The following TMTC1 variants were observed in gnomAD, a reference collection of about 807,000 sequenced individuals.
TMTC1 encodes transmembrane O-mannosyltransferase targeting cadherins 1.
A neutral mutation model predicts 104.8 loss-of-function variants in TMTC1; 73 were observed. The ratio of observed to expected loss-of-function variants is 0.70; its 90% CI spans 0.58 to 0.85. The LOEUF (loss-of-function observed/expected upper bound fraction) is 0.85. Ranked by LOEUF, TMTC1 falls within the 40% of genes least tolerant of loss-of-function variation. The pLI, the probability that TMTC1 is intolerant of heterozygous loss-of-function variation, is 0.00. For synonymous variants in TMTC1, 434 were observed against 428.7 expected (o/e 1.01, Z -0.15); for missense variants, 1,035 against 1,096.1 (o/e 0.94, Z 0.79).
intron 5 of TMTC1, among the ~76,000 whole-genome samples, chr12:29,720,639 GA>G (rs35931216): frequency 0.77 from 117,184 of 151,804 alleles, 45,324 homozygotes; most frequent in Middle Eastern, 0.82. Context: ...CAAAAAGATA[GA>G]AATATGAAAC....
chr12:29,583,746 C>T (rs752993327), intron 7 of TMTC1, among the ~76,000 whole-genome samples, 172 bp from the exon 8 acceptor site: 6 of 152,222 alleles, frequency 3.9e-5, no homozygotes, highest in Non-Finnish European at 7.3e-5. Context: ...AAGTGCTGCA[C>T]TAGCAGGTTT....
chr12:29,719,681 G>C (rs953504565), intron 5 of TMTC1, among the ~76,000 whole-genome samples: 5 of 152,158 alleles, frequency 3.3e-5, no homozygotes, highest in African/African-American at 1.2e-4. Flanking sequence ...TGCAATGCCT[G>C]CAAGGCCACG....
chr12:29,540,532 A>G (rs1272845959), intron 10 of TMTC1, among the ~76,000 whole-genome samples: 1 of 152,082 alleles, frequency 6.6e-6, no homozygotes, highest in African/African-American at 2.4e-5. Context: ...TTCTGTGTTC[A>G]CTCGCTGAAA....
intron 9 of TMTC1, among the ~76,000 whole-genome samples, chr12:29,569,819 A>G (rs1690352276): frequency 6.6e-6 from 1 of 152,216 alleles, no homozygotes; most frequent in Non-Finnish European, 1.5e-5. Flanking sequence ...TACTATATGT[A>G]ATATATTTAT....
At chr12:29,532,717 G>A (rs892913578) in intron 11 of TMTC1, 1 of 152,110 alleles carries the variant, frequency 6.6e-6, no homozygotes, top group East Asian at 1.9e-4. Context: ...AATAAAGGAT[G>A]TATACGTTAT....
intron 5 of TMTC1, among the ~76,000 whole-genome samples, chr12:29,714,461 TG>T (rs1249861094): frequency 2.6e-5 from 4 of 152,220 alleles, no homozygotes; most frequent in African/African-American, 9.6e-5. Context: ...AAACCACAAA[TG>T]TGAGCCAAAA....
chr12:29,564,162 A>T (rs1945449040), intron 9 of TMTC1, among the ~76,000 whole-genome samples: 1 of 152,204 alleles, frequency 6.6e-6, no homozygotes, highest in South Asian at 2.1e-4. Flanking sequence ...ATAAAGGACA[A>T]GGAGCAAGTT....
Position 29,506,880 on chromosome 12 carries a change from C to A in TMTC1, c.2615G>T (p.Arg872Leu), listed in dbSNP as rs770031173. ...NLAKLDRLEKRLQEVREKDQT is the reference protein window; with the variant it reads ...NLAKLDRLEKLLQEVREKDQT The stretch of plus-strand genomic sequence containing the variant: ...ATCCTTTTCTCGAACTTCTTGTAAT[C>A]GTTTTTCTAGGCGATCCAATTTGGC... The change falls in exon 18 of 18, where the codon CGA becomes CTA. Residue 872 changes from arginine to leucine, a missense_variant. Transcript: ENST00000539277. 6.2e-7 allele frequency: 1 copy of A among 1,614,104 alleles called. No individual in the cohort carries two copies. Among genetic ancestry groups the A allele is most frequent in the Non-Finnish European group, 8.5e-7 (1 of 1,179,974 alleles).
In TMTC1 at chr12:29,506,993, GT is replaced by G; in HGVS notation, c.2509-8del. The G allele has an allele frequency of 6.2e-7, 1 of 1,612,014 alleles. No homozygotes were observed. The highest frequency in any genetic ancestry group is 8.5e-7 in the Non-Finnish European group (1 of 1,178,154). On this transcript the variant is annotated splice_polypyrimidine_tract_variant and splice_region_variant and intron_variant, in intron 17 of 17. Coordinates refer to ENST00000539277, the MANE Select transcript of TMTC1 (RefSeq NM_001193451.2). ...TTGCAGACACATATTTTCCCTGGGG[GT>G]GGGAAAGAGGGAGCAATTACATTCT... is the stretch of plus-strand genomic sequence containing the variant.
chr12:29,657,771 G>T (rs559609318), intron 5 of TMTC1, among the ~76,000 whole-genome samples: 1 of 152,260 alleles, frequency 6.6e-6, no homozygotes, highest in South Asian at 2.1e-4. Flanking sequence ...CAACATAGAA[G>T]TTAATTAATG....
chr12:29,679,950 A>G (rs12228621), intron 5 of TMTC1, among the ~76,000 whole-genome samples: 21,076 of 152,218 alleles, frequency 0.14, 1,742 homozygotes, highest in East Asian at 0.34. Context: ...TTGACCATAT[A>G]TACCTAGTAC....
chr12:29,659,994 TAAG>T (rs1480371681), intron 5 of TMTC1: 3 of 1,529,842 alleles, frequency 2.0e-6, no homozygotes, highest in Non-Finnish European at 2.6e-6. Flanking sequence ...CTTCAGAAAA[TAAG>T]AAGATTCAGT....
chr12:29,753,684 G>A lies in TMTC1; in HGVS notation c.732-1812C>T, dbSNP rs1194323634. Among the ~76,000 whole-genome samples the A allele has an allele frequency of 7.9e-5, 12 of 152,130 alleles. 1 individual carries two copies. The highest frequency in any genetic ancestry group is 6.5e-4 in the Admixed American group (10 of 15,282). On this transcript the variant is annotated intron_variant, in intron 4 of 17. Transcript: ENST00000539277. ...TTTTTACAACTGTAATCAATCACTC[G>A]TCAAATTACTTACATAATGTCTGTC... is the stretch of plus-strand genomic sequence containing the variant.
In TMTC1 at chr12:29,589,108, C is replaced by T. The variant is rs115138844; in HGVS notation, c.1251-5534G>A. On this transcript the variant is annotated intron_variant, in intron 7 of 17. Transcript: ENST00000539277. The stretch of plus-strand genomic sequence containing the variant: ...GTTCACCTTATCTTATGTAAAGCCC[C>T]GATTTACTGAGCGTGAGAAGAATAC... 8.1e-3 allele frequency among the ~76,000 whole-genome samples: 1,228 copies of T among 152,308 alleles called. 16 individuals are homozygous for T. Among genetic ancestry groups the T allele is most frequent in the African/African-American group, 0.028 (1,159 of 41,562 alleles).
At position 29,695,791 on chromosome 12, in the gene TMTC1, TTTTATATATATATATATA is replaced by T. The variant is rs1203920291; in HGVS notation, c.938+55857_938+55874del. On this transcript the variant is annotated intron_variant, in intron 5 of 17. Transcript: ENST00000539277. Reference sequence around the variant, plus strand: ...TCTCACAAATTTTAAACTACTTCCTTTTTATATATATATATATATATATATATATATATATATAACCTG... The same window carrying T: ...TCTCACAAATTTTAAACTACTTCCTTTATATATATATATATATATAACCTG... 2.6e-4 allele frequency among the ~76,000 whole-genome samples: 25 copies of T among 95,262 alleles called. No homozygotes were observed. The East Asian group carries it at 3.5e-3, about 13-fold the overall frequency. The allele number at this position is 95,262 out of a possible 152,430, so 62.5% of individuals were successfully genotyped here.
intron 5 of TMTC1, among the ~76,000 whole-genome samples, chr12:29,733,508 A>C (rs1306374830): frequency 6.6e-6 from 1 of 152,240 alleles, no homozygotes; most frequent in Non-Finnish European, 1.5e-5. Flanking sequence ...TATGCCTAAC[A>C]CCAAAGAGCT....
At chr12:29,547,294 C>T (rs1048997267) in intron 10 of TMTC1, among the ~76,000 whole-genome samples, 1 of 152,082 alleles carries the variant, frequency 6.6e-6, no homozygotes, top group African/African-American at 2.4e-5. Flanking sequence ...GCAGTCATTA[C>T]AAAAGGAAAA....
intron 15 of TMTC1, among the ~76,000 whole-genome samples, chr12:29,515,387 C>A (rs867130304): frequency 8.5e-5 from 13 of 152,190 alleles, no homozygotes; most frequent in Non-Finnish European, 1.3e-4. Context: ...CTTGGCCTGG[C>A]CCCAAGGAGT....
chr12:29,704,219 C>T (rs576891538), intron 5 of TMTC1, among the ~76,000 whole-genome samples: 25 of 152,268 alleles, frequency 1.6e-4, no homozygotes, highest in Non-Finnish European at 2.5e-4. Flanking sequence ...GTTTTCAAAA[C>T]ATAGTAGTAC....
Sources: allele counts gnomAD v4.1 joint callset (sites outside exome capture counted in the v4.1 genomes callset), GRCh38; gene constraint gnomAD v4.1.1; transcripts MANE v1.5; gene names NCBI Gene and HGNC (gene_info 2026-07-23, HGNC 2026-07-21).